MARK3: variants seen among roughly 807,000 people sequenced by gnomAD.
MARK3 encodes the protein MAP/microtubule affinity-regulating kinase 3.
A neutral mutation model predicts 90.1 loss-of-function variants in MARK3; 46 were observed. The observed-to-expected ratio is 0.51, with a 90% confidence interval of 0.40 to 0.65. The LOEUF (loss-of-function observed/expected upper bound fraction) is 0.65. Among genes scored for constraint, MARK3 ranks in the 30% least tolerant of loss-of-function variants. The pLI, the probability that MARK3 is intolerant of heterozygous loss-of-function variation, is 0.00. For synonymous variants in MARK3, 321 were observed against 332.6 expected, an observed-to-expected ratio of 0.97 and a Z score of 0.38; for missense variants, 818 against 947.2, an observed-to-expected ratio of 0.86 and a Z score of 1.79.
rs1308129703 is a variant in MARK3 at position 103,491,198 on chromosome 14, C to T, written c.1587-579C>T. The T allele has an allele frequency of 3.1e-5, 31 of 999,996 alleles. No homozygotes were observed. The South Asian group carries it at 5.6e-4, about 18-fold the overall frequency. The allele number at this position is 999,996 out of a possible 1,614,324, so 61.9% of individuals were successfully genotyped here. A position where few individuals can be genotyped will look rare whatever the true frequency, so the allele number is the denominator to read the frequency against. ...GATTTTATAGTCTGAGATTTTGTTA[C>T]AGTTGTCCACAAGGCGTCCTTCCTC... On this transcript the variant is annotated intron_variant, in intron 14 of 17. Transcript: ENST00000429436.
chr14:103,500,428 G>A (rs1306408380), intron 17 of MARK3, among the ~76,000 whole-genome samples: 2 of 152,208 alleles, frequency 1.3e-5, no homozygotes, highest in Non-Finnish European at 2.9e-5. Flanking sequence ...GAGGCCTTCA[G>A]CCTTCCTGCC....
At chr14:103,419,508 T>A (rs1267653330) in intron 2 of MARK3, among the ~76,000 whole-genome samples, 1 of 152,212 alleles carries the variant, frequency 6.6e-6, no homozygotes, top group Non-Finnish European at 1.5e-5. Context: ...AAGAGTGAAT[T>A]GTTTAAATTC....
At chr14:103,395,532 T>G (rs1431863630) in intron 1 of MARK3, among the ~76,000 whole-genome samples, 1 of 152,202 alleles carries the variant, frequency 6.6e-6, no homozygotes, top group East Asian at 1.9e-4. Context: ...CATCCTGAGA[T>G]CTCCCTTCAC....
intron 2 of MARK3, chr14:103,412,896 C>T (rs556277043): frequency 2.8e-5 from 9 of 320,830 alleles, no homozygotes; most frequent in Non-Finnish European, 5.3e-5. Context: ...TTTTTTGAGA[C>T]GGAATTTCGC....
intron 14 of MARK3, among the ~76,000 whole-genome samples, chr14:103,488,312 ATAAC>A (rs1384541556): frequency 2.0e-5 from 3 of 152,102 alleles, no homozygotes; most frequent in Admixed American, 6.6e-5. Context: ...ACCATCAGAC[ATAAC>A]TTCTTCCCAC....
intron 1 of MARK3, among the ~76,000 whole-genome samples, chr14:103,399,396 G>A (rs1176710721): frequency 6.6e-6 from 1 of 152,142 alleles, no homozygotes; most frequent in Non-Finnish European, 1.5e-5. Context: ...TAAACAAATA[G>A]GGGGTTTGTT....
In MARK3 at chr14:103,412,643, T is replaced by A. The variant is rs201688592; in HGVS notation, c.243+7376T>A. 601 of 1,030,354 alleles carry A rather than the reference T, an allele frequency of 5.8e-4. 3 individuals are homozygous for A. The African/African-American group carries it at 9.1e-3, about 16-fold the overall frequency. The allele number at this position is 1,030,354 out of a possible 1,614,324, so 63.8% of individuals were successfully genotyped here. A position where few individuals can be genotyped will look rare whatever the true frequency, so the allele number is the denominator to read the frequency against. ...GCGCTTGTCCTTCTGGGGGTCATAG[T>A]TCTTCAAGCTGATCTGCAACTCCAC... On this transcript the variant is annotated intron_variant, in intron 2 of 17. Coordinates refer to ENST00000429436, the MANE Select transcript of MARK3 (RefSeq NM_001128918.3).
At position 103,466,098 on chromosome 14, in the gene MARK3, A is replaced by T; in HGVS notation, c.897+7A>T. 1 of 1,611,738 alleles carries T rather than the reference A, an allele frequency of 6.2e-7. No individual in the cohort carries two copies. The highest frequency in any genetic ancestry group is 1.3e-5 in the African/African-American group (1 of 74,944). On this transcript the variant is annotated splice_region_variant and intron_variant, in intron 9 of 17. Coordinates refer to ENST00000429436, the MANE Select transcript of MARK3 (RefSeq NM_001128918.3). ...TAAACGCGGCACTCTAGAGGTAATC[A>T]TGTAGGTGGAAACAAGCAGTAACTT...
intron 1 of MARK3, among the ~76,000 whole-genome samples, chr14:103,395,757 C>T (rs1472630979): frequency 1.3e-5 from 2 of 152,110 alleles, no homozygotes; most frequent in Non-Finnish European, 2.9e-5. Context: ...GACTGAATGC[C>T]CTTTTTCCTC....
At chr14:103,422,203 C>T (rs1465898669) in intron 2 of MARK3, among the ~76,000 whole-genome samples, 1 of 152,212 alleles carries the variant, frequency 6.6e-6, no homozygotes, top group Non-Finnish European at 1.5e-5. Flanking sequence ...GCCTGTGAAT[C>T]CCAGCACTTT....
rs1293779455 is a variant in MARK3, at chr14:103,459,755, C to T, written c.483+2543C>T. Among the ~76,000 whole-genome samples, 6 of 151,674 alleles carry T rather than the reference C, an allele frequency of 4.0e-5. No individual in the cohort carries two copies. The East Asian group carries it at 1.2e-3, about 29-fold the overall frequency. ...TCTCAGACTCCTGATCTCAAGTGAT[C>T]TGCCCTCCTCAGCCTCCCAAAATGC... On this transcript the variant is annotated intron_variant, in intron 6 of 17. Coordinates refer to ENST00000429436, the MANE Select transcript of MARK3 (RefSeq NM_001128918.3).
In MARK3 at chr14:103,472,681, T is replaced by G. The variant is rs538980951; in HGVS notation, c.1265-2312T>G. Among the ~76,000 whole-genome samples, 23 of 144,626 alleles carry G rather than the reference T, an allele frequency of 1.6e-4. No homozygotes were observed. In the East Asian group the frequency reaches 3.3e-3, roughly 21 times the overall value. 94.9% of individuals were successfully genotyped at this position (144,626 alleles called of 152,430 possible). On this transcript the variant is annotated intron_variant, in intron 12 of 17. Coordinates refer to ENST00000429436, the MANE Select transcript of MARK3 (RefSeq NM_001128918.3). ...AAAAAAAAAAAATGAAATTTCTGTGTGACACATCCATACCATGGACTACTA... is the reference window on the plus strand; with the variant it reads ...AAAAAAAAAAAATGAAATTTCTGTGGGACACATCCATACCATGGACTACTA...
At chr14:103,480,630 A>C in intron 14 of MARK3, 140 bp downstream of exon 14, 2 of 574,326 alleles carry the variant, frequency 3.5e-6, no homozygotes. Context: ...TTTGTATACT[A>C]ATTTTTAGCA....
At chr14:103,440,230 T>C (rs2092816798) in intron 3 of MARK3, among the ~76,000 whole-genome samples, 1 of 152,240 alleles carries the variant, frequency 6.6e-6, no homozygotes, top group African/African-American at 2.4e-5. Context: ...TTCAGAGACA[T>C]TTGGATTGCT....
At chr14:103,398,345 T>C (rs536892763) in intron 1 of MARK3, among the ~76,000 whole-genome samples, 31 of 152,334 alleles carry the variant, frequency 2.0e-4, no homozygotes, top group African/African-American at 7.0e-4. Context: ...TTCAGAGCTT[T>C]CTGCCTTTTC....
intron 2 of MARK3, among the ~76,000 whole-genome samples, chr14:103,411,588 G>A (rs2091632923): frequency 6.6e-6 from 1 of 151,902 alleles, no homozygotes. Flanking sequence ...GTATGTTTTA[G>A]GTCAAGTTCC....
At chr14:103,487,406 C>T (rs547112797) in intron 14 of MARK3, among the ~76,000 whole-genome samples, 1 of 151,292 alleles carries the variant, frequency 6.6e-6, no homozygotes, top group South Asian at 2.1e-4. Context: ...TTTTTTTCTG[C>T]AAAGCATCTG....
At chr14:103,479,709 C>T (rs937346310) in intron 13 of MARK3, among the ~76,000 whole-genome samples, 10 of 145,068 alleles carry the variant, frequency 6.9e-5, no homozygotes, top group East Asian at 2.0e-4. Flanking sequence ...CTCAGCTCAC[C>T]GCAACCTCTA....
intron 2 of MARK3, among the ~76,000 whole-genome samples, chr14:103,413,903 AG>A (rs1385338028): frequency 2.0e-5 from 3 of 152,242 alleles, no homozygotes; most frequent in African/African-American, 7.2e-5. Flanking sequence ...TTTGTTGCTG[AG>A]AAGTATTCTG....
Sources: allele counts gnomAD v4.1 joint callset (sites outside exome capture counted in the v4.1 genomes callset), GRCh38; gene constraint gnomAD v4.1.1; transcripts MANE v1.5; gene names NCBI Gene and HGNC (gene_info 2026-07-23, HGNC 2026-07-21).